The following NEBL variants were observed in gnomAD, a reference collection of about 807,000 sequenced individuals.
The protein encoded by NEBL is nebulette.
Under a neutral mutation model 140.2 loss-of-function variants are expected in NEBL, and 122 were observed. That is an observed-to-expected ratio of 0.87 (90% confidence interval 0.75 to 1.01). The LOEUF (loss-of-function observed/expected upper bound fraction) is 1.01. Ranked by LOEUF, NEBL falls within the 50% of genes least tolerant of loss-of-function variation. NEBL has a pLI of 0.00. For missense variants in NEBL, 1,365 were observed against 1,231.3 expected (o/e 1.11, Z -1.62); for synonymous variants, 436 against 398.9 (o/e 1.09, Z -1.11).
At chr10:20,947,368 A>G (rs1235934652) in intron 4 of NEBL, among the ~76,000 whole-genome samples, 1 of 152,098 alleles carries the variant, frequency 6.6e-6, no homozygotes, top group Non-Finnish European at 1.5e-5. Flanking sequence ...TAGAACAGCA[A>G]AACATAGGCT....
chr10:20,792,237 G>GA (rs1047405617), intron 26 of NEBL, among the ~76,000 whole-genome samples: 4 of 151,706 alleles, frequency 2.6e-5, no homozygotes, highest in African/African-American at 9.7e-5. Context: ...CTTACTTTTT[G>GA]AAAAAATCCA....
At chr10:21,288,818 G>GTATATATATATATATATA (rs757155594) in intron 1 of NEBL, among the ~76,000 whole-genome samples, 732 of 32,208 alleles carry the variant, frequency 0.023, 21 homozygotes, top group Non-Finnish European at 0.029. Flanking sequence ...ACGTGTGTGT[G>GTATATATATATATATATA]TGTATATATA....
At chr10:21,279,127 G>T (rs2132296237) in intron 1 of NEBL, among the ~76,000 whole-genome samples, 1 of 152,216 alleles carries the variant, frequency 6.6e-6, no homozygotes, top group African/African-American at 2.4e-5. Context: ...CGTCTCTGTT[G>T]CATAGCCTCA....
intron 2 of NEBL, among the ~76,000 whole-genome samples, chr10:21,074,332 TCA>T (rs889691915): frequency 1.3e-5 from 2 of 152,164 alleles, no homozygotes; most frequent in Admixed American, 1.3e-4. Context: ...TGAAAGTTCA[TCA>T]CAGGCAGAAA....
chr10:21,178,830 A>G (rs991143239), upstream of NEBL, among the ~76,000 whole-genome samples: 3 of 152,210 alleles, frequency 2.0e-5, no homozygotes, highest in African/African-American at 7.2e-5. Flanking sequence ...CGGAAAGAGG[A>G]AAAAAGAAAG....
chr10:21,116,265 C>G (rs527746204), intron 2 of NEBL, among the ~76,000 whole-genome samples: 1 of 152,266 alleles, frequency 6.6e-6, no homozygotes, highest in East Asian at 1.9e-4. Context: ...GAAGTCCAAA[C>G]TCAAGCTGCC....
intron 11 of NEBL, among the ~76,000 whole-genome samples, chr10:20,847,870 T>C (rs1019979596): frequency 1.3e-5 from 2 of 152,194 alleles, no homozygotes; most frequent in African/African-American, 4.8e-5. Flanking sequence ...ACAAGGTCTG[T>C]TTAGAAATAA....
At chr10:21,193,571 C>T (rs979007204) in intron 3 of NEBL, among the ~76,000 whole-genome samples, 5 of 152,074 alleles carry the variant, frequency 3.3e-5, no homozygotes, top group African/African-American at 1.2e-4. Flanking sequence ...TGTCCAAAGC[C>T]CTCCTCTATA....
chr10:20,795,685 T>C (rs1588617242), intron 26 of NEBL, among the ~76,000 whole-genome samples: 1 of 152,146 alleles, frequency 6.6e-6, no homozygotes, highest in African/African-American at 2.4e-5. Context: ...CTATGTTCAA[T>C]ATCACGTCTC....
chr10:20,799,094 C>G (rs575776304), intron 26 of NEBL, among the ~76,000 whole-genome samples: 103 of 152,256 alleles, frequency 6.8e-4, no homozygotes, highest in African/African-American at 2.4e-3. Flanking sequence ...ATAGCCTACA[C>G]ATTGGAATTT....
At chr10:21,270,688 G>A (rs12779845) in intron 1 of NEBL, among the ~76,000 whole-genome samples, 7,624 of 152,134 alleles carry the variant, frequency 0.05, 264 homozygotes, top group Middle Eastern at 0.13. Flanking sequence ...AAATTGTTTG[G>A]TATATAGATC....
Position 20,897,100 on chromosome 10 carries a change from T to G in NEBL, c.81+25A>C, listed in dbSNP as rs749065365. ...GTCAATTTAGAGGAACAAACGCTGGTCTGAGTATGTGTTTTCTCACTCACC... is the reference window on the plus strand; with the variant it reads ...GTCAATTTAGAGGAACAAACGCTGGGCTGAGTATGTGTTTTCTCACTCACC... On this transcript the variant is annotated intron_variant, in intron 1 of 27. Transcript: ENST00000377122. 5.0e-6 allele frequency: 8 copies of G among 1,588,340 alleles called. No homozygotes were observed. In the East Asian group the frequency reaches 1.1e-4, roughly 22 times the overall value.
At chr10:21,044,165 G>C (rs895762711) in intron 2 of NEBL, among the ~76,000 whole-genome samples, 1 of 152,104 alleles carries the variant, frequency 6.6e-6, no homozygotes, top group Non-Finnish European at 1.5e-5. Flanking sequence ...TGGAGGCCAA[G>C]GCGGGCGGAT....
intron 1 of NEBL, among the ~76,000 whole-genome samples, chr10:21,261,616 C>T (rs1358883867): frequency 1.3e-5 from 2 of 150,974 alleles, no homozygotes; most frequent in East Asian, 3.9e-4. Context: ...CATTGCACAC[C>T]ATCCCAGGTA....
At chr10:21,030,399 C>T (rs1833731322) in intron 2 of NEBL, 3 of 617,190 alleles carry the variant, frequency 4.9e-6, no homozygotes, top group Middle Eastern at 1.0e-3. Context: ...ACTGAAAAGT[C>T]TCTAGAAAAT....
chr10:21,088,668 G>A (rs541019023), intron 2 of NEBL, among the ~76,000 whole-genome samples: 7 of 152,300 alleles, frequency 4.6e-5, no homozygotes, highest in Non-Finnish European at 7.4e-5. Context: ...ACAGAGTGCA[G>A]GCATCAGATG....
intron 2 of NEBL, among the ~76,000 whole-genome samples, chr10:21,103,579 G>A (rs552716457): frequency 6.6e-6 from 1 of 152,166 alleles, no homozygotes; most frequent in East Asian, 1.9e-4. Context: ...GTTTTACTTT[G>A]TATCTACTTA....
At chr10:21,040,083 T>A (rs1834202208) in intron 2 of NEBL, among the ~76,000 whole-genome samples, 1 of 152,082 alleles carries the variant, frequency 6.6e-6, no homozygotes, top group African/African-American at 2.4e-5. Context: ...AGAAAGAGGG[T>A]TTAACTGGGC....
chr10:21,073,092 C>A (rs980719895), intron 2 of NEBL, among the ~76,000 whole-genome samples: 1 of 152,146 alleles, frequency 6.6e-6, no homozygotes, highest in Non-Finnish European at 1.5e-5. Flanking sequence ...GCATGGCCTA[C>A]AAAGAGGGAC....
Sources: gnomAD v4.1 joint callset for allele counts (sites outside exome capture counted in the v4.1 genomes callset) on GRCh38, gnomAD v4.1.1 for gene constraint, MANE v1.5 for transcripts, NCBI Gene and HGNC (gene_info 2026-07-23, HGNC 2026-07-21) for gene names.